The following TOPAZ1 variants were observed in gnomAD, a reference collection of about 807,000 sequenced individuals.
The protein encoded by TOPAZ1 is protein TOPAZ1.
TOPAZ1 carries 66 observed loss-of-function variants against 172.2 expected under a neutral mutation model. That is an observed-to-expected ratio of 0.38 (90% CI 0.31 to 0.47). TOPAZ1 has a LOEUF of 0.47. Ranked by LOEUF, TOPAZ1 falls within the 20% of genes least tolerant of loss-of-function variation. TOPAZ1 has a pLI of 0.99. For synonymous variants in TOPAZ1, 681 were observed against 683.9 expected (o/e 1.00, Z 0.07); for missense variants, 1,822 against 1,972.4 (o/e 0.92, Z 1.44).
intron 6 of TOPAZ1, among the ~76,000 whole-genome samples, chr3:44,267,721 G>A (rs534924112): frequency 2.6e-5 from 4 of 152,254 alleles, no homozygotes; most frequent in African/African-American, 7.2e-5. Flanking sequence ...TTTAGAACTT[G>A]TGTCAGTTTT....
intron 2 of TOPAZ1, among the ~76,000 whole-genome samples, chr3:44,246,038 G>A (rs181528685): frequency 1.6e-3 from 242 of 152,262 alleles, no homozygotes; most frequent in African/African-American, 5.5e-3. Flanking sequence ...GGACAGAGAC[G>A]CCTTGGAAAT....
chr3:44,244,089 A>G lies in TOPAZ1; in HGVS notation c.1583A>G (p.Gln528Arg). The change falls in exon 2 of 20, where the codon CAA (glutamine) becomes CGA (arginine). Residue 528 changes from glutamine (Q) to arginine (R), a missense_variant. Gln to Arg is a conservative substitution (Grantham distance 43, BLOSUM62 1). This residue lies in a region of TOPAZ1 where 1,489 missense variants were observed against 1,490.8 expected (regional missense o/e 1.00). Coordinates refer to ENST00000309765, the MANE Select transcript of TOPAZ1 (RefSeq NM_001145030.2). ...FLRGSQESCR[Q>R]VDVPKHQTNQ... is the part of the protein sequence containing the mutation. ...CGTGGGTCTCAGGAAAGTTGTAGGC[A>G]AGTTGATGTCCCTAAACACCAAACA... 1 of 1,551,754 alleles carries G rather than the reference A, an allele frequency of 6.4e-7. No homozygotes were observed. The highest frequency in any genetic ancestry group is 8.7e-7 in the Non-Finnish European group (1 of 1,146,984).
chr3:44,334,592 A>G (rs2125709405), downstream of TOPAZ1, among the ~76,000 whole-genome samples: 1 of 152,322 alleles, frequency 6.6e-6, no homozygotes, highest in African/African-American at 2.4e-5. Flanking sequence ...TGAGAGCATT[A>G]AAGAGGCAGG....
At position 44,321,021 on chromosome 3, in the gene TOPAZ1, TGGAA is replaced by T; in HGVS notation, c.4307-4_4307-1del. On this transcript the variant is annotated splice_acceptor_variant and splice_polypyrimidine_tract_variant and intron_variant, in intron 16 of 19. Coordinates refer to ENST00000309765, the MANE Select transcript of TOPAZ1 (RefSeq NM_001145030.2). LOFTEE classifies it high-confidence loss of function. Reference sequence around the variant, plus strand: ...TAAACTATTCATATTTTTTTCTTTTTGGAAGAGTCAGAGTGGATAATCAATACGC... The same window carrying T: ...TAAACTATTCATATTTTTTTCTTTTTGAGTCAGAGTGGATAATCAATACGC... 4 of 1,531,372 alleles carry T rather than the reference TGGAA, an allele frequency of 2.6e-6. No homozygotes were observed. Among genetic ancestry groups the T allele is most frequent in the Admixed American group, 4.3e-5 (2 of 46,982 alleles). 94.9% of individuals were successfully genotyped at this position (1,531,372 alleles called of 1,614,324 possible).
intron 9 of TOPAZ1, among the ~76,000 whole-genome samples, chr3:44,286,222 T>A (rs1297133702): frequency 6.6e-6 from 1 of 151,976 alleles, no homozygotes; most frequent in Non-Finnish European, 1.5e-5. Flanking sequence ...CTCAAAAAAA[T>A]AAATAACTTA....
chr3:44,308,930 A>C (rs1353586774), intron 15 of TOPAZ1, among the ~76,000 whole-genome samples: 1 of 152,216 alleles, frequency 6.6e-6, no homozygotes, highest in Non-Finnish European at 1.5e-5. Flanking sequence ...ATATTATAGA[A>C]TATAAAACAA....
intron 3 of TOPAZ1, among the ~76,000 whole-genome samples, chr3:44,255,924 AGAT>A (rs1699697873): frequency 1.3e-5 from 2 of 151,526 alleles, no homozygotes; most frequent in South Asian, 2.1e-4. Context: ...AAAATTCTTG[AGAT>A]GATCAAGAAA....
Position 44,321,040 on chromosome 3 carries a change from A to G in TOPAZ1, c.4320A>G (p.Ile1440Met), listed in dbSNP as rs1366495112. The G allele has an allele frequency of 1.3e-6, 2 of 1,546,310 alleles. No individual in the cohort carries two copies. The highest frequency in any genetic ancestry group is 1.7e-6 in the Non-Finnish European group (2 of 1,144,630). Residue 1440 changes from isoleucine (I) to methionine (M), a missense_variant, in exon 17 of 20, where the codon ATA becomes ATG. This residue lies in a region of TOPAZ1 where 333 missense variants were observed against 481.7 expected (regional missense o/e 0.69). Coordinates refer to ENST00000309765, the MANE Select transcript of TOPAZ1 (RefSeq NM_001145030.2). ...TCTTTTTGGAAGAGTCAGAGTGGATAATCAATACGCCTCTGTGGCCTTGTG... is the reference window on the plus strand; with the variant it reads ...TCTTTTTGGAAGAGTCAGAGTGGATGATCAATACGCCTCTGTGGCCTTGTG... ...AIWVMRESEW[I>M]INTPLWPCDR... is the part of the protein sequence containing the mutation.
At chr3:44,316,086 A>AG (rs945983061) in intron 16 of TOPAZ1, among the ~76,000 whole-genome samples, 5 of 151,904 alleles carry the variant, frequency 3.3e-5, no homozygotes, top group African/African-American at 9.7e-5. Context: ...TTTAAAAAAA[A>AG]AAAAATTTAA....
intron 8 of TOPAZ1, among the ~76,000 whole-genome samples, chr3:44,277,499 C>T (rs1239452232): frequency 1.3e-5 from 2 of 152,158 alleles, no homozygotes; most frequent in East Asian, 1.9e-4. Flanking sequence ...TGCCTGCTTG[C>T]TCTGGCCAGG....
Position 44,243,664 on chromosome 3 carries a change from T to G in TOPAZ1, c.1158T>G (p.His386Gln). The change falls in exon 2 of 20, where the codon CAT becomes CAG. Residue 386 changes from histidine (H) to glutamine (Q), a missense_variant. Around this residue, in one of 2 missense-constraint regions of TOPAZ1, gnomAD observed 1,489 missense variants for 1,490.8 expected, o/e 1.00. Coordinates refer to ENST00000309765, the MANE Select transcript of TOPAZ1 (RefSeq NM_001145030.2). ...SPLNVLRKVSHNTVSLMDHLL... is the reference protein window; with the variant it reads ...SPLNVLRKVSQNTVSLMDHLL... ...TAAATGTTTTGAGAAAAGTAAGCCA[T>G]AATACAGTCTCTTTGATGGATCATT... 6.5e-7 allele frequency: 1 copy of G among 1,550,220 alleles called. No individual in the cohort carries two copies. Among genetic ancestry groups the G allele is most frequent in the South Asian group, 1.2e-5 (1 of 84,012 alleles).
At chr3:44,324,859 T>C (rs1700581193) in intron 18 of TOPAZ1, among the ~76,000 whole-genome samples, 1 of 152,176 alleles carries the variant, frequency 6.6e-6, no homozygotes. Flanking sequence ...TTTTAAAGAT[T>C]TTTTTAGCAG....
chr3:44,266,008 G>C (rs1407971952), intron 5 of TOPAZ1, among the ~76,000 whole-genome samples: 1 of 152,190 alleles, frequency 6.6e-6, no homozygotes, highest in Non-Finnish European at 1.5e-5. Flanking sequence ...ATCTTAGCTA[G>C]ATCTTCTGGA....
chr3:44,327,099 T>G (rs1399246087), intron 18 of TOPAZ1, among the ~76,000 whole-genome samples: 1 of 152,138 alleles, frequency 6.6e-6, no homozygotes, highest in Admixed American at 6.5e-5. Flanking sequence ...AGAGCCTGAG[T>G]GCTTACCAAA....
intron 12 of TOPAZ1, among the ~76,000 whole-genome samples, chr3:44,298,016 CT>C (rs1452909769): frequency 6.6e-6 from 1 of 152,164 alleles, no homozygotes; most frequent in Non-Finnish European, 1.5e-5. Context: ...GGTTGGGAGA[CT>C]TAATAAAGGT....
In TOPAZ1 at chr3:44,299,923, A is replaced by G. The variant is rs1042978538; in HGVS notation, c.3798-4092A>G. Among the ~76,000 whole-genome samples, 53 of 116,854 alleles carry G rather than the reference A, an allele frequency of 4.5e-4. 2 individuals carry two copies. Among genetic ancestry groups the G allele is most frequent in the Admixed American group, 2.0e-3 (17 of 8,476 alleles). 76.7% of individuals were successfully genotyped at this position (116,854 alleles called of 152,430 possible). A position where few individuals can be genotyped will look rare whatever the true frequency, so the allele number is the denominator to read the frequency against. On this transcript the variant is annotated intron_variant, in intron 12 of 19. Coordinates refer to ENST00000309765, the MANE Select transcript of TOPAZ1 (RefSeq NM_001145030.2). ...ACAATGAGAACACATGGACACAGGA[A>G]GAGGAACATCACACTCTGGGGACTG...
intron 11 of TOPAZ1, among the ~76,000 whole-genome samples, chr3:44,289,058 G>T (rs1408050937): frequency 6.6e-6 from 1 of 152,114 alleles, no homozygotes; most frequent in African/African-American, 2.4e-5. Context: ...TTTTTGTCCT[G>T]CCTTAGATTG....
intron 8 of TOPAZ1, among the ~76,000 whole-genome samples, chr3:44,271,084 A>T (rs1269171258): frequency 6.6e-6 from 1 of 152,152 alleles, no homozygotes; most frequent in Non-Finnish European, 1.5e-5. Context: ...GGTGGAGCAG[A>T]TTTGGATATT....
rs370325688 is a variant in TOPAZ1, at chr3:44,253,614, T to C, written c.2766-1354T>C. Among the ~76,000 whole-genome samples, 10 of 152,208 alleles carry C rather than the reference T, an allele frequency of 6.6e-5. No individual in the cohort carries two copies. The East Asian group carries it at 9.6e-4, about 15-fold the overall frequency. On this transcript the variant is annotated intron_variant, in intron 2 of 19. Transcript: ENST00000309765. ...TGAAGAGGCCTTTGAGATACTGAGA[T>C]GGAAATATTCTAGTAGATAGCTGGA...
Sources: allele counts gnomAD v4.1 joint callset (sites outside exome capture counted in the v4.1 genomes callset), GRCh38; gene constraint gnomAD v4.1.1; regional missense constraint gnomAD v4.1.1; transcripts MANE v1.5; gene names NCBI Gene and HGNC (gene_info 2026-07-23, HGNC 2026-07-21).